SLC14A2: variants seen among roughly 807,000 people sequenced by gnomAD.
SLC14A2 encodes the protein urea transporter 2.
SLC14A2 carries 91 observed loss-of-function variants against 104.6 expected under a neutral mutation model. The observed-to-expected ratio is 0.87, with a 90% CI of 0.73 to 1.04. The LOEUF (loss-of-function observed/expected upper bound fraction) is 1.04, where lower values mean the gene tolerates loss of function less well. SLC14A2 is among the 50% of genes least tolerant of loss of function. SLC14A2 has a pLI of 0.00. For missense variants in SLC14A2, 1,189 were observed against 1,156.0 expected, an observed-to-expected ratio of 1.03 and a Z score of -0.41; for synonymous variants, 476 against 466.4, an observed-to-expected ratio of 1.02 and a Z score of -0.27.
intron 2 of SLC14A2, among the ~76,000 whole-genome samples, chr18:45,489,269 G>A (rs949898992): frequency 6.6e-6 from 1 of 152,124 alleles, no homozygotes; most frequent in Non-Finnish European, 1.5e-5. Context: ...CCAGCACTTT[G>A]AGAGGCTGAG....
chr18:45,232,920 C>T (rs1675321182), intron 1 of SLC14A2, among the ~76,000 whole-genome samples: 1 of 152,182 alleles, frequency 6.6e-6, no homozygotes, highest in Non-Finnish European at 1.5e-5. Flanking sequence ...TGTGTTGGTT[C>T]AGGTGGGCCA....
intron 1 of SLC14A2, among the ~76,000 whole-genome samples, chr18:45,445,893 C>T (rs190841302): frequency 4.5e-4 from 69 of 152,250 alleles, no homozygotes; most frequent in African/African-American, 1.5e-3. Flanking sequence ...ATTAGTAACA[C>T]GTGGAAAGGA....
chr18:45,614,794 C>CTTTTTTTTT (rs758644176), upstream of SLC14A2: 1 of 105,414 alleles, frequency 9.5e-6, no homozygotes, highest in African/African-American at 3.7e-5. Context: ...AACTAACTTG[C>CTTTTTTTTT]TTTTTTTTTT....
At chr18:45,522,444 G>A (rs575738079) in intron 2 of SLC14A2, among the ~76,000 whole-genome samples, 8 of 152,204 alleles carry the variant, frequency 5.3e-5, no homozygotes, top group Non-Finnish European at 7.4e-5. Context: ...GCAGCTTCCC[G>A]GCACCATCCC....
At chr18:45,523,711 A>C (rs1413997575) in intron 2 of SLC14A2, among the ~76,000 whole-genome samples, 3 of 151,946 alleles carry the variant, frequency 2.0e-5, no homozygotes, top group Admixed American at 2.0e-4. Context: ...TCCTGCCTGT[A>C]ACCCTCCCCA....
chr18:45,627,217 A>G, intron 4 of SLC14A2, 70 bp downstream of exon 4: 1 of 1,424,812 alleles, frequency 7.0e-7, no homozygotes, highest in Non-Finnish European at 9.8e-7. Flanking sequence ...TTACTTGAGT[A>G]ATCAGTCAAC....
At position 45,669,494 on chromosome 18, in the gene SLC14A2, C is replaced by G. The variant is rs1173441791; in HGVS notation, c.2225C>G (p.Pro742Arg). 6.2e-7 allele frequency: 1 copy of G among 1,612,510 alleles called. No homozygotes were observed. The highest frequency in any genetic ancestry group is 1.7e-5 in the Admixed American group (1 of 59,948). Residue 742 changes from proline (P) to arginine (R), a missense_variant, in exon 16 of 20, where the codon CCC becomes CGC. Transcript: ENST00000255226. ...PNITWSEVQV[P>R]LLLRAIPVGI... Reference sequence around the variant, plus strand: ...ATCACCTGGTCAGAGGTCCAAGTGCCCTTGGTACGTATCATGGAAGGAGGA... The same window carrying G: ...ATCACCTGGTCAGAGGTCCAAGTGCGCTTGGTACGTATCATGGAAGGAGGA...
chr18:45,207,172 A>T, the SLC14A2 span, among the ~76,000 whole-genome samples: 2 of 152,288 alleles, frequency 1.3e-5, no homozygotes, highest in Admixed American at 1.3e-4. Context: ...AGACAAGGGC[A>T]GGGTAGAAGT....
intron 1 of SLC14A2, among the ~76,000 whole-genome samples, chr18:45,373,961 A>C (rs1398011352): frequency 2.0e-5 from 3 of 152,214 alleles, no homozygotes; most frequent in Non-Finnish European, 4.4e-5. Context: ...TACTGTTGCT[A>C]AAAAGGAGTG....
At chr18:45,566,884 G>T (rs1339694806) in intron 2 of SLC14A2, among the ~76,000 whole-genome samples, 2 of 152,148 alleles carry the variant, frequency 1.3e-5, no homozygotes, top group East Asian at 1.9e-4. Flanking sequence ...CAGAATGGGG[G>T]TGTGCACGTG....
At chr18:45,531,289 T>A (rs1004256603) in intron 2 of SLC14A2, among the ~76,000 whole-genome samples, 1 of 152,196 alleles carries the variant, frequency 6.6e-6, no homozygotes, top group Non-Finnish European at 1.5e-5. Flanking sequence ...ACTTCCACAA[T>A]GGTTGAACTA....
chr18:45,451,910 T>G (rs2086864168), intron 1 of SLC14A2, among the ~76,000 whole-genome samples: 1 of 152,220 alleles, frequency 6.6e-6, no homozygotes, highest in African/African-American at 2.4e-5. Context: ...TTGCCCTTTC[T>G]GCAAGTCAAA....
chr18:45,597,631 G>A (rs2044733036), intron 2 of SLC14A2, among the ~76,000 whole-genome samples: 1 of 152,176 alleles, frequency 6.6e-6, no homozygotes, highest in African/African-American at 2.4e-5. Context: ...AAGGACTTTG[G>A]CTTGTGTCTG....
intron 1 of SLC14A2, among the ~76,000 whole-genome samples, chr18:45,388,781 A>G (rs1439399037): frequency 6.6e-6 from 1 of 152,190 alleles, no homozygotes; most frequent in Non-Finnish European, 1.5e-5. Context: ...AATGTGACCT[A>G]TGAAGACAGG....
intron 2 of SLC14A2, among the ~76,000 whole-genome samples, chr18:45,512,458 T>G (rs1378828938): frequency 6.6e-6 from 1 of 152,126 alleles, no homozygotes; most frequent in Non-Finnish European, 1.5e-5. Flanking sequence ...GGAGTACAGT[T>G]TAAAAGAGAG....
intron 2 of SLC14A2, among the ~76,000 whole-genome samples, chr18:45,550,811 G>A (rs1388792629): frequency 6.6e-6 from 1 of 152,174 alleles, no homozygotes; most frequent in African/African-American, 2.4e-5. Context: ...TCTGGGACAG[G>A]TCCTGTGATG....
Position 45,669,487 on chromosome 18 carries a change from C to T in SLC14A2, c.2218C>T (p.Gln740Ter), listed in dbSNP as rs759994258. The T allele has an allele frequency of 6.2e-7, 1 of 1,613,316 alleles. No homozygotes were observed. Among genetic ancestry groups the T allele is most frequent in the Non-Finnish European group, 8.5e-7 (1 of 1,179,420 alleles). Residue 740 changes from glutamine to a stop codon, truncating the protein, a stop_gained, in exon 16 of 20, where the codon CAA (glutamine) becomes TAA (stop). Transcript: ENST00000255226. LOFTEE classifies it high-confidence loss of function. ...AMPNITWSEV[Q>*]VPLLLRAIPV... Reference sequence around the variant, plus strand: ...GCCCAACATCACCTGGTCAGAGGTCCAAGTGCCCTTGGTACGTATCATGGA... The same window carrying T: ...GCCCAACATCACCTGGTCAGAGGTCTAAGTGCCCTTGGTACGTATCATGGA...
At chr18:45,355,452 C>T (rs926125669) in intron 1 of SLC14A2, among the ~76,000 whole-genome samples, 4 of 151,474 alleles carry the variant, frequency 2.6e-5, no homozygotes, top group Admixed American at 6.6e-5. Context: ...GTGGTGTGTG[C>T]CTGTAATCCC....
chr18:45,643,033 G>T, intron 8 of SLC14A2, 99 bp from the exon 9 acceptor site: 1 of 988,676 alleles, frequency 1.0e-6, no homozygotes, highest in South Asian at 1.3e-5. Context: ...AGAGAGGGTG[G>T]GGCTCCTGTT....
Sources: allele counts gnomAD v4.1 joint callset (sites outside exome capture counted in the v4.1 genomes callset), GRCh38; gene constraint gnomAD v4.1.1; transcripts MANE v1.5; gene names NCBI Gene and HGNC (gene_info 2026-07-23, HGNC 2026-07-21).